Variants in ZNF462 observed in about 807,000 individuals in gnomAD.
ZNF462 encodes zinc finger PBX1-interacting protein.
ZNF462 carries 10 observed loss-of-function variants against 201.9 expected under a neutral mutation model. That is an observed-to-expected ratio of 0.05 (90% CI 0.03 to 0.08). The LOEUF is 0.08. ZNF462 is among the 10% of genes least tolerant of loss of function. The pLI is 1.00. For missense variants in ZNF462, 2,523 were observed against 3,168.3 expected, an observed-to-expected ratio of 0.80 and a Z score of 4.89; for synonymous variants, 1,227 against 1,193.3, an observed-to-expected ratio of 1.03 and a Z score of -0.58.
intron 10 of ZNF462, among the ~76,000 whole-genome samples, chr9:106,988,009 C>G (rs1345970691): frequency 5.3e-5 from 8 of 152,084 alleles, no homozygotes; most frequent in African/African-American, 1.2e-4. Context: ...CTATTCTGTT[C>G]CATTGGTATA....
At chr9:106,873,482 G>A (rs1448334909) in intron 1 of ZNF462, among the ~76,000 whole-genome samples, 2 of 151,792 alleles carry the variant, frequency 1.3e-5, no homozygotes, top group South Asian at 4.2e-4. Context: ...AAGCCTCAGT[G>A]CCCTGTATTG....
rs912710283 is a variant in ZNF462 at position 107,005,851 on chromosome 9, A to AT, written c.7189+2430dup. Among the ~76,000 whole-genome samples, 5 of 152,126 alleles carry AT rather than the reference A, an allele frequency of 3.3e-5. No homozygotes were observed. The highest frequency in any genetic ancestry group is 1.2e-4 in the African/African-American group (5 of 41,420). On this transcript the variant is annotated intron_variant, in intron 11 of 12. Coordinates refer to ENST00000277225, the MANE Select transcript of ZNF462 (RefSeq NM_021224.6). This position sits in a 1 kb window ranked among gnomAD's most constrained non-coding sequence, Gnocchi z 4.4. Reference sequence around the variant, plus strand: ...CAAGTTTTTAATTCATTTTGAGACGATTTTTGTATCTGGTGTGAGATAAGG... The same window carrying AT: ...CAAGTTTTTAATTCATTTTGAGACGATTTTTTGTATCTGGTGTGAGATAAGG...
chr9:106,979,909 T>C (rs1181103592), intron 9 of ZNF462, among the ~76,000 whole-genome samples: 3 of 152,120 alleles, frequency 2.0e-5, no homozygotes, highest in Non-Finnish European at 4.4e-5. Context: ...TAACTTAAAG[T>C]TTCTGTTTCC....
In ZNF462 at chr9:107,013,093, AAAAC is replaced by A. The variant is rs1041481562; in HGVS notation, c.*2071_*2074del. On this transcript the variant is annotated 3_prime_UTR_variant, in exon 13 of 13. Coordinates refer to ENST00000277225, the MANE Select transcript of ZNF462 (RefSeq NM_021224.6). ...ATTGGGTGTTTGTAATGGTTACCAA[AAAAC>A]AAACAAAAAAAGAAAGAAAAAGGAA... 2.7e-5 allele frequency: 4 copies of A among 148,924 alleles called. No homozygotes were observed. The highest frequency in any genetic ancestry group is 1.9e-4 in the East Asian group (1 of 5,182). The allele number at this position is 148,924 out of a possible 1,614,324, so 9.2% of individuals were successfully genotyped here.
At chr9:106,939,295 C>CTG (rs1326907913) in intron 7 of ZNF462, among the ~76,000 whole-genome samples, 188 bp downstream of exon 7, 1 of 152,064 alleles carries the variant, frequency 6.6e-6, no homozygotes, top group Non-Finnish European at 1.5e-5. Flanking sequence ...TGTTGAGCAT[C>CTG]TGTGTGACGC....
At chr9:106,903,572 T>C (rs2131210062) in intron 1 of ZNF462, among the ~76,000 whole-genome samples, 1 of 152,324 alleles carries the variant, frequency 6.6e-6, no homozygotes, top group South Asian at 2.1e-4. Flanking sequence ...TTCTTAGGTC[T>C]ATTAGTAATT....
chr9:106,963,807 A>C lies in ZNF462; in HGVS notation c.6428-8198A>C, dbSNP rs1831948377. On this transcript the variant is annotated intron_variant, in intron 7 of 12. Transcript: ENST00000277225. This position sits in a 1 kb window ranked among gnomAD's most constrained non-coding sequence, Gnocchi z 4.7. Reference sequence around the variant, plus strand: ...CTCTAGAACTCTTTCATCTTACACGACTGAAACTCTATATCCATAGAACAA... The same window carrying C: ...CTCTAGAACTCTTTCATCTTACACGCCTGAAACTCTATATCCATAGAACAA... Among the ~76,000 whole-genome samples the C allele has an allele frequency of 6.6e-6, 1 of 152,016 alleles. No homozygotes were observed. Among genetic ancestry groups the C allele is most frequent in the Admixed American group, 6.6e-5 (1 of 15,242 alleles).
At chr9:106,915,199 ATGTT>A (rs1463833399) in intron 1 of ZNF462, among the ~76,000 whole-genome samples, 2 of 148,332 alleles carry the variant, frequency 1.3e-5, no homozygotes, top group East Asian at 4.1e-4. Context: ...GCATTTCTGT[ATGTT>A]TTTTTTTTTT....
intron 10 of ZNF462, among the ~76,000 whole-genome samples, chr9:106,997,604 A>C (rs1296678824): frequency 2.0e-5 from 3 of 152,198 alleles, no homozygotes; most frequent in Admixed American, 1.3e-4. Context: ...CTGAGAATTC[A>C]AGATTTTTTT....
At position 107,003,630 on chromosome 9, in the gene ZNF462, C is replaced by T. The variant is rs1438209267; in HGVS notation, c.7189+204C>T. On this transcript the variant is annotated intron_variant, in intron 11 of 12. Coordinates refer to ENST00000277225, the MANE Select transcript of ZNF462 (RefSeq NM_021224.6). This position sits in a 1 kb window ranked among gnomAD's most constrained non-coding sequence, Gnocchi z 4.4. ...CTATAGAAACGCCAAGGAAAACAGA[C>T]ATTTTCTCCCTAATTATAGATATAT... Among the ~76,000 whole-genome samples the T allele has an allele frequency of 3.3e-5, 5 of 152,138 alleles. No individual in the cohort carries two copies. Among genetic ancestry groups the T allele is most frequent in the Admixed American group, 3.3e-4 (5 of 15,278 alleles).
chr9:106,917,848 ATATTTATTTATTTATTTATTTATTTATT>A lies in ZNF462; in HGVS notation c.-30-5488_-30-5461del, dbSNP rs57577781. 6.9e-6 allele frequency among the ~76,000 whole-genome samples: 1 copy of A among 145,666 alleles called. No individual in the cohort carries two copies. The highest frequency in any genetic ancestry group is 1.5e-5 in the Non-Finnish European group (1 of 66,528). ...TATTTTGCTGGTTTATTATTTTTTTATATTTATTTATTTATTTATTTATTTATTTATTTATTTATTTATTTTGTGACAG... is the reference window on the plus strand; with the variant it reads ...TATTTTGCTGGTTTATTATTTTTTTATATTTATTTATTTATTTTGTGACAG... On this transcript the variant is annotated intron_variant, in intron 1 of 12. Coordinates refer to ENST00000277225, the MANE Select transcript of ZNF462 (RefSeq NM_021224.6). The surrounding 1 kb of genome is among the most constrained non-coding windows in gnomAD (Gnocchi z 4.5).
In ZNF462 at chr9:106,924,492, G is replaced by C. The variant is rs762338771; in HGVS notation, c.580G>C (p.Ala194Pro). 1 of 1,614,068 alleles carries C rather than the reference G, an allele frequency of 6.2e-7. No homozygotes were observed. Among genetic ancestry groups the C allele is most frequent in the South Asian group, 1.1e-5 (1 of 91,046 alleles). Reference sequence around the variant, plus strand: ...CAAAAACAATTTGAAGGAGACCACTGCTCCCCCACCTGCTCCTGCTCCAAT... The same window carrying C: ...CAAAAACAATTTGAAGGAGACCACTCCTCCCCCACCTGCTCCTGCTCCAAT... ...YHKNNLKETT[A>P]PPPAPAPMPD... is the part of the protein sequence containing the mutation. The change falls in exon 3 of 13, where the codon GCT (alanine) becomes CCT (proline). Residue 194 changes from alanine (A) to proline (P), a missense_variant. Ala to Pro is a conservative substitution (Grantham distance 27, BLOSUM62 -1). Coordinates refer to ENST00000277225, the MANE Select transcript of ZNF462 (RefSeq NM_021224.6). The surrounding 1 kb of genome is among the most constrained non-coding windows in gnomAD (Gnocchi z 6.2).
At chr9:106,987,031 A>AGATG (rs2132317867) in intron 10 of ZNF462, among the ~76,000 whole-genome samples, 1 of 148,174 alleles carries the variant, frequency 6.7e-6, no homozygotes, top group African/African-American at 2.5e-5. Context: ...ATAGATAGAT[A>AGATG]GATAGATATC....
At chr9:106,914,086 T>C (rs1829666137) in intron 1 of ZNF462, among the ~76,000 whole-genome samples, 1 of 148,532 alleles carries the variant, frequency 6.7e-6, no homozygotes, top group African/African-American at 2.5e-5. Context: ...AAAATAAAAC[T>C]GAAAACTCAT....
chr9:106,982,814 G>C (rs1011031800), intron 9 of ZNF462, among the ~76,000 whole-genome samples: 2 of 152,016 alleles, frequency 1.3e-5, no homozygotes, highest in African/African-American at 4.8e-5. Context: ...TTGAGACTAA[G>C]GCATGACATT....
chr9:106,991,851 C>CACACACACACACACACACACACA (rs1564158135), intron 10 of ZNF462, among the ~76,000 whole-genome samples: 1 of 146,410 alleles, frequency 6.8e-6, no homozygotes, highest in African/African-American at 2.5e-5. Context: ...CACACACACA[C>CACACACACACACACACACACACA]ACACACACAC....
rs1157421012 is a variant in ZNF462, at chr9:106,886,512, C to T, written c.-31+23157C>T. Among the ~76,000 whole-genome samples, 1 of 152,094 alleles carries T rather than the reference C, an allele frequency of 6.6e-6. No individual in the cohort carries two copies. The highest frequency in any genetic ancestry group is 2.4e-5 in the African/African-American group (1 of 41,386). Reference sequence around the variant, plus strand: ...CTGTGAGCACATTTGAAATCCACATCCTCAAATATACAACAATGTCAGCTA... The same window carrying T: ...CTGTGAGCACATTTGAAATCCACATTCTCAAATATACAACAATGTCAGCTA... On this transcript the variant is annotated intron_variant, in intron 1 of 12. Transcript: ENST00000277225. The surrounding 1 kb of genome is among the most constrained non-coding windows in gnomAD (Gnocchi z 4.6).
In ZNF462 at chr9:106,923,233, T is replaced by C. The variant is rs940217871; in HGVS notation, c.-30-121T>C. The C allele has an allele frequency of 3.3e-5, 23 of 700,806 alleles. No individual in the cohort carries two copies. The highest frequency in any genetic ancestry group is 2.9e-5 in the Non-Finnish European group (12 of 413,320). The allele number at this position is 700,806 out of a possible 1,614,324, so 43.4% of individuals were successfully genotyped here. ...TTAGCCAATGTTCCAACTGGCAAAG[T>C]CCAATAAGAGAAATCTACTGATACT... On this transcript the variant is annotated intron_variant, in intron 1 of 12. Coordinates refer to ENST00000277225, the MANE Select transcript of ZNF462 (RefSeq NM_021224.6). The surrounding 1 kb of genome is among the most constrained non-coding windows in gnomAD (Gnocchi z 5.6).
At chr9:106,992,163 G>A (rs554187518) in intron 10 of ZNF462, among the ~76,000 whole-genome samples, 1 of 152,074 alleles carries the variant, frequency 6.6e-6, no homozygotes, top group Non-Finnish European at 1.5e-5. Flanking sequence ...AAGCAATTCA[G>A]TTAAAAATGA....
Sources: allele counts gnomAD v4.1 joint callset (sites outside exome capture counted in the v4.1 genomes callset), GRCh38; gene constraint gnomAD v4.1.1; non-coding constraint Gnocchi (gnomAD v3.1); transcripts MANE v1.5; gene names NCBI Gene and HGNC (gene_info 2026-07-23, HGNC 2026-07-21).